DNAH8: variants seen among roughly 807,000 people sequenced by gnomAD.
DNAH8 encodes dynein axonemal heavy chain 8, also known as axonemal beta dynein heavy chain 8.
DNAH8 carries 382 observed loss-of-function variants against 562.1 expected under a neutral mutation model. The ratio of observed to expected loss-of-function variants is 0.68; its 90% confidence interval spans 0.63 to 0.74. The LOEUF (loss-of-function observed/expected upper bound fraction) is 0.74, where lower values mean the gene tolerates loss of function less well. Ranked by LOEUF, DNAH8 falls within the 30% of genes least tolerant of loss-of-function variation. The probability of loss-of-function intolerance (pLI) is 0.00; values close to 1 mark genes in which losing one functional copy is unlikely to be tolerated. For missense variants in DNAH8, 5,203 were observed against 5,620.4 expected, an observed-to-expected ratio of 0.93 and a Z score of 2.37; for synonymous variants, 1,881 against 1,919.4, an observed-to-expected ratio of 0.98 and a Z score of 0.52.
At chr6:38,788,534 G>T (rs996839757) in intron 18 of DNAH8, among the ~76,000 whole-genome samples, 1 of 152,080 alleles carries the variant, frequency 6.6e-6, no homozygotes, top group Non-Finnish European at 1.5e-5. Context: ...CCTAATGGCT[G>T]GTGATTTTTG....
chr6:38,946,998 T>C (rs980381879), intron 80 of DNAH8, among the ~76,000 whole-genome samples: 1 of 152,194 alleles, frequency 6.6e-6, no homozygotes, highest in Non-Finnish European at 1.5e-5. Context: ...TAGAATATAG[T>C]AGCTATTACT....
chr6:38,753,327 A>G (rs1433730018), intron 9 of DNAH8, among the ~76,000 whole-genome samples: 3 of 152,220 alleles, frequency 2.0e-5, no homozygotes, highest in Admixed American at 6.5e-5. Flanking sequence ...TAATTCCCCA[A>G]CTTTACAATG....
At position 38,979,817 on chromosome 6, in the gene DNAH8, G is replaced by A. The variant is rs1432979712; in HGVS notation, c.12835-2529G>A. Among the ~76,000 whole-genome samples, 4 of 152,160 alleles carry A rather than the reference G, an allele frequency of 2.6e-5. No homozygotes were observed. The East Asian group carries it at 7.7e-4, about 29-fold the overall frequency. On this transcript the variant is annotated intron_variant, in intron 85 of 92. Transcript: ENST00000327475. ...AGTAATTGGAGTTATTTTTCATTTG[G>A]CCACCCATCTAATTGAACATTAAAA...
intron 70 of DNAH8, 94 bp from the exon 71 acceptor site, chr6:38,921,275 C>A (rs1781683540): frequency 7.0e-7 from 1 of 1,434,150 alleles, no homozygotes; most frequent in Non-Finnish European, 9.5e-7. Flanking sequence ...AAAGTCCCGT[C>A]TAGTGCAGAA....
At chr6:38,720,452 G>C (rs1170507162) in intron 1 of DNAH8, among the ~76,000 whole-genome samples, 2 of 152,128 alleles carry the variant, frequency 1.3e-5, no homozygotes, top group Admixed American at 6.5e-5. Context: ...AATCCTTTTA[G>C]GACTTCCCCC....
At chr6:38,901,736 C>T (rs1353699047) in intron 62 of DNAH8, among the ~76,000 whole-genome samples, 1 of 151,612 alleles carries the variant, frequency 6.6e-6, no homozygotes, top group Non-Finnish European at 1.5e-5. Flanking sequence ...CATTCTGCTG[C>T]CAAACAAAAG....
intron 74 of DNAH8, 152 bp from the exon 75 acceptor site, chr6:38,929,359 T>G: frequency 1.4e-6 from 1 of 718,282 alleles, no homozygotes. Flanking sequence ...TTTTAGAAAT[T>G]AATTTTTGTA....
At chr6:39,019,032 T>C (rs531683333) in intron 91 of DNAH8, among the ~76,000 whole-genome samples, 1 of 152,100 alleles carries the variant, frequency 6.6e-6, no homozygotes, top group African/African-American at 2.4e-5. Flanking sequence ...GGAGTAGGTA[T>C]AAGAATAAAA....
In DNAH8 at chr6:38,737,990, A is replaced by G. The variant is rs377330211; in HGVS notation, c.1116+18A>G. ...TCGAACAGGTGAATTGACTCAAACA[A>G]TTGCATCTGGACTAGTAGTTTTCAT... On this transcript the variant is annotated intron_variant, in intron 7 of 92. Transcript: ENST00000327475. The G allele has an allele frequency of 1.6e-5, 25 of 1,606,592 alleles. No homozygotes were observed. Among genetic ancestry groups the G allele is most frequent in the South Asian group, 1.3e-4 (12 of 90,716 alleles).
At chr6:38,746,923 C>T (rs1490490569) in intron 8 of DNAH8, among the ~76,000 whole-genome samples, 2 of 150,988 alleles carry the variant, frequency 1.3e-5, no homozygotes, top group Admixed American at 1.3e-4. Context: ...GAGTGAGACT[C>T]CATCTCAAAA....
intron 1 of DNAH8, among the ~76,000 whole-genome samples, chr6:38,719,054 C>T (rs1174905504): frequency 6.6e-6 from 1 of 152,014 alleles, no homozygotes; most frequent in Non-Finnish European, 1.5e-5. Flanking sequence ...CTTTAAATTC[C>T]TTTTTCAGCA....
Position 38,913,950 on chromosome 6 carries a change from G to A in DNAH8, c.9961G>A (p.Glu3321Lys), listed in dbSNP as rs200884766. 6.2e-6 allele frequency: 10 copies of A among 1,608,554 alleles called. No homozygotes were observed. Among genetic ancestry groups the A allele is most frequent in the African/African-American group, 1.3e-5 (1 of 74,786 alleles). ...ELAVASIKAD[E>K]VLAEVTVSAQ... ...GGCAGTGGCTTCCATAAAAGCAGAC[G>A]AAGTGAGTTTGCATTTATTTTATCA... is the stretch of plus-strand genomic sequence containing the variant. The change falls in exon 67 of 93, where the codon GAA becomes AAA. Residue 3321 changes from glutamate (E) to lysine (K), a missense_variant and splice_region_variant. Physicochemically the swap from Glu to Lys is moderately conservative, Grantham distance 56 (BLOSUM62 1). Around this residue, in one of 6 missense-constraint regions of DNAH8, gnomAD observed 87 missense variants for 144.9 expected, o/e 0.60. Coordinates refer to ENST00000327475, the MANE Select transcript of DNAH8 (RefSeq NM_001206927.2).
intron 71 of DNAH8, among the ~76,000 whole-genome samples, chr6:38,922,343 G>A (rs2150557626): frequency 6.6e-6 from 1 of 151,860 alleles, no homozygotes; most frequent in East Asian, 1.9e-4. Flanking sequence ...CCCATCACTG[G>A]CAATTTTAAA....
Position 38,974,504 on chromosome 6 carries a change from T to C in DNAH8, c.12809T>C (p.Val4270Ala). The C allele has an allele frequency of 6.2e-7, 1 of 1,613,834 alleles. No individual in the cohort carries two copies. Among genetic ancestry groups the C allele is most frequent in the Non-Finnish European group, 8.5e-7 (1 of 1,179,852 alleles). Residue 4270 changes from valine to alanine, a missense_variant, in exon 85 of 93, where the codon GTA becomes GCA. This residue lies in a region of DNAH8 where 1,399 missense variants were observed against 1,518.4 expected (regional missense o/e 0.92). Coordinates refer to ENST00000327475, the MANE Select transcript of DNAH8 (RefSeq NM_001206927.2). The part of the protein sequence containing the change: ...LPMWKPMLYT[V>A]AFLHSTVQER... ...ATGTGGAAGCCGATGCTTTACACAG[T>C]AGCATTTTTACACTCCACTGTGCAG...
chr6:38,955,817 A>G (rs1281081430), intron 82 of DNAH8, among the ~76,000 whole-genome samples: 2 of 152,186 alleles, frequency 1.3e-5, no homozygotes, highest in African/African-American at 2.4e-5. Context: ...ATATAGGTAG[A>G]AGGTTGTGAA....
At chr6:38,898,137 C>T in intron 60 of DNAH8, 121 bp from the exon 61 acceptor site, 1 of 902,280 alleles carries the variant, frequency 1.1e-6, no homozygotes, top group Non-Finnish European at 1.6e-6. Flanking sequence ...CTCTGGAAAT[C>T]CATAACGTTT....
chr6:38,917,169 G>A, intron 68 of DNAH8, 70 bp from the exon 69 acceptor site: 1 of 1,106,592 alleles, frequency 9.0e-7, no homozygotes, highest in Non-Finnish European at 1.2e-6. Context: ...TTATTGAAAA[G>A]TATTAGATTT....
chr6:38,823,980 A>G (rs1773099912), intron 28 of DNAH8, among the ~76,000 whole-genome samples: 1 of 152,208 alleles, frequency 6.6e-6, no homozygotes, highest in Admixed American at 6.5e-5. Context: ...CACACTACAC[A>G]GGACGATTCC....
Position 39,012,317 on chromosome 6 carries a change from A to G in DNAH8, c.13474A>G (p.Ser4492Gly). The change falls in exon 90 of 93, where the codon AGC becomes GGC. Residue 4492 changes from serine to glycine, a missense_variant. Around this residue, in one of 6 missense-constraint regions of DNAH8, gnomAD observed 1,399 missense variants for 1,518.4 expected, o/e 0.92. Coordinates refer to ENST00000327475, the MANE Select transcript of DNAH8 (RefSeq NM_001206927.2). The stretch of plus-strand genomic sequence containing the variant: ...AAGAGTCATTTCAATACTCCGCAGT[A>G]GCCTGAGTGATCTAAAATTGGCCAT... ...MQRVISILRS[S>G]LSDLKLAIEG... The G allele has an allele frequency of 1.2e-6, 2 of 1,613,466 alleles. No homozygotes were observed.
Sources: gnomAD v4.1 joint callset for allele counts (sites outside exome capture counted in the v4.1 genomes callset) on GRCh38, gnomAD v4.1.1 for gene constraint, gnomAD v4.1.1 regional missense constraint, MANE v1.5 for transcripts, NCBI Gene and HGNC (gene_info 2026-07-23, HGNC 2026-07-21) for gene names.